RAP1A: variants seen among roughly 807,000 people sequenced by gnomAD.
RAP1A encodes ras-related protein Rap-1A.
RAP1A carries 6 observed loss-of-function variants against 26.4 expected under a neutral mutation model. That is an observed-to-expected ratio of 0.23 (90% CI 0.12 to 0.45). RAP1A has a LOEUF of 0.45. Ranked by LOEUF, RAP1A falls within the 20% of genes least tolerant of loss-of-function variation. RAP1A has a pLI of 0.99. For synonymous variants in RAP1A, 73 were observed against 79.4 expected (o/e 0.92, Z 0.43); for missense variants, 121 against 217.2 (o/e 0.56, Z 2.78).
At chr1:111,587,139 C>T (rs760486713) in intron 1 of RAP1A, among the ~76,000 whole-genome samples, 12 of 152,112 alleles carry the variant, frequency 7.9e-5, no homozygotes, top group Non-Finnish European at 1.2e-4. Flanking sequence ...CCCTGCATAT[C>T]GACTTCCTGC....
chr1:111,601,011 G>A (rs990611636), intron 1 of RAP1A, among the ~76,000 whole-genome samples: 22 of 152,122 alleles, frequency 1.4e-4, no homozygotes, highest in Non-Finnish European at 3.1e-4. Context: ...GTCAAAATCA[G>A]AAGCTGAGGT....
At chr1:111,680,594 A>T (rs1661260820) in intron 1 of RAP1A, 1 of 152,548 alleles carries the variant, frequency 6.6e-6, no homozygotes, top group East Asian at 1.9e-4. Context: ...TTCACCTCTC[A>T]CCAGCAGGGG....
intron 1 of RAP1A, among the ~76,000 whole-genome samples, chr1:111,668,833 A>G (rs1297714011): frequency 6.6e-6 from 1 of 152,038 alleles, no homozygotes; most frequent in Non-Finnish European, 1.5e-5. Context: ...GTTCGAGACC[A>G]ATGTGGGCAA....
At chr1:111,653,384 G>A (rs1013256286) in intron 1 of RAP1A, among the ~76,000 whole-genome samples, 1 of 152,022 alleles carries the variant, frequency 6.6e-6, no homozygotes, top group Admixed American at 6.6e-5. Flanking sequence ...ACTGAATTGT[G>A]TACTTGAAAA....
At chr1:111,648,866 A>G in intron 1 of RAP1A, 1 of 772,210 alleles carries the variant, frequency 1.3e-6, no homozygotes, top group Non-Finnish European at 2.3e-6. Flanking sequence ...ATTTGGGGGC[A>G]TCTGCCTCCA....
chr1:111,589,774 C>G (rs1375405952), intron 1 of RAP1A, among the ~76,000 whole-genome samples: 1 of 152,030 alleles, frequency 6.6e-6, no homozygotes, highest in Non-Finnish European at 1.5e-5. Context: ...TACAGTGGTG[C>G]TATCATGGCT....
At chr1:111,605,957 G>A (rs1557863176) in intron 1 of RAP1A, among the ~76,000 whole-genome samples, 1 of 152,214 alleles carries the variant, frequency 6.6e-6, no homozygotes. Context: ...GGGCACCTCT[G>A]ATGGATGCTG....
chr1:111,563,366 A>C (rs1657823345), intron 1 of RAP1A, among the ~76,000 whole-genome samples: 1 of 152,242 alleles, frequency 6.6e-6, no homozygotes, highest in African/African-American at 2.4e-5. Flanking sequence ...GGGAGATAAG[A>C]CATTCACATA....
At chr1:111,583,722 GA>G (rs1658308195) in intron 1 of RAP1A, among the ~76,000 whole-genome samples, 1 of 151,986 alleles carries the variant, frequency 6.6e-6, no homozygotes, top group Non-Finnish European at 1.5e-5. Context: ...AATCACAAGA[GA>G]ATGGGTAAAG....
intron 1 of RAP1A, among the ~76,000 whole-genome samples, chr1:111,661,644 C>G (rs1660639983): frequency 6.6e-6 from 1 of 151,662 alleles, no homozygotes. Flanking sequence ...ACTAAAAATA[C>G]AAAAATTAGC....
intron 1 of RAP1A, among the ~76,000 whole-genome samples, chr1:111,573,457 C>T (rs1247612743): frequency 6.6e-6 from 1 of 152,124 alleles, no homozygotes; most frequent in Non-Finnish European, 1.5e-5. Flanking sequence ...GCTTCAGCCT[C>T]CAGAGTAGCT....
chr1:111,604,169 C>T (rs142342959), intron 1 of RAP1A, among the ~76,000 whole-genome samples: 1 of 152,206 alleles, frequency 6.6e-6, no homozygotes, highest in Non-Finnish European at 1.5e-5. Context: ...CCAGCAAAGT[C>T]AGCACCTACA....
At chr1:111,662,775 G>A (rs1660680309) in intron 1 of RAP1A, among the ~76,000 whole-genome samples, 2 of 152,202 alleles carry the variant, frequency 1.3e-5, no homozygotes, top group Admixed American at 1.3e-4. Flanking sequence ...ACAGAAACCA[G>A]TGAGGTATCT....
intron 1 of RAP1A, among the ~76,000 whole-genome samples, chr1:111,657,149 G>GTCCAAAATCCATATCCATAA (rs1660487384): frequency 6.6e-6 from 1 of 152,130 alleles, no homozygotes; most frequent in Non-Finnish European, 1.5e-5. Flanking sequence ...AAGGTTGAGC[G>GTCCAAAATCCATATCCATAA]TCCAAAATCC....
At chr1:111,646,094 C>G (rs781497663) in intron 1 of RAP1A, among the ~76,000 whole-genome samples, 1 of 152,208 alleles carries the variant, frequency 6.6e-6, no homozygotes, top group Non-Finnish European at 1.5e-5. Context: ...TTGCACTGCA[C>G]AATTCTTTTT....
chr1:111,646,431 A>AG (rs1660066729), intron 1 of RAP1A, among the ~76,000 whole-genome samples: 1 of 135,078 alleles, frequency 7.4e-6, no homozygotes, highest in African/African-American at 3.3e-5. Context: ...AAAAAAAAAA[A>AG]AAACAAAACA....
chr1:111,614,331 T>C (rs1030224402), intron 1 of RAP1A, among the ~76,000 whole-genome samples: 3 of 152,266 alleles, frequency 2.0e-5, no homozygotes, highest in Admixed American at 2.0e-4. Flanking sequence ...GAAGGGATGG[T>C]ATTTTTCCTG....
At position 111,711,232 on chromosome 1, in the gene RAP1A, A is replaced by T. The variant is rs1163185050; in HGVS notation, c.*30-1199A>T. ...TAGGTAAAGGTGCAAAGATAGAGAAAATGAAGACTCCAGTTCCAGTTCTTA... is the reference window on the plus strand; with the variant it reads ...TAGGTAAAGGTGCAAAGATAGAGAATATGAAGACTCCAGTTCCAGTTCTTA... On this transcript the variant is annotated intron_variant, in intron 7 of 7. Coordinates refer to ENST00000369709, the MANE Select transcript of RAP1A (RefSeq NM_002884.4). Among the ~76,000 whole-genome samples, 11 of 152,312 alleles carry T rather than the reference A, an allele frequency of 7.2e-5. No individual in the cohort carries two copies. In the East Asian group the frequency reaches 2.1e-3, roughly 29 times the overall value.
chr1:111,623,924 C>T (rs1659305840), intron 1 of RAP1A, among the ~76,000 whole-genome samples: 1 of 152,168 alleles, frequency 6.6e-6, no homozygotes, highest in Non-Finnish European at 1.5e-5. Context: ...CTGTTTCTGA[C>T]ATGTGATAGG....
Sources: gnomAD v4.1 joint callset for allele counts (sites outside exome capture counted in the v4.1 genomes callset) on GRCh38, gnomAD v4.1.1 for gene constraint, MANE v1.5 for transcripts, NCBI Gene and HGNC (gene_info 2026-07-23, HGNC 2026-07-21) for gene names.